Variants in SDK2 observed in about 807,000 individuals in gnomAD.
SDK2 encodes the protein sidekick cell adhesion molecule 2.
Under a neutral mutation model 253.9 loss-of-function variants are expected in SDK2, and 105 were observed. That is an observed-to-expected ratio of 0.41 (90% CI 0.35 to 0.49). SDK2 has a LOEUF of 0.49. Ranked by LOEUF, SDK2 falls within the 20% of genes least tolerant of loss-of-function variation. The pLI, the probability that SDK2 is intolerant of heterozygous loss-of-function variation, is 0.06. For synonymous variants in SDK2, 1,249 were observed against 1,234.9 expected, an observed-to-expected ratio of 1.01 and a Z score of -0.24; for missense variants, 2,608 against 3,003.0, an observed-to-expected ratio of 0.87 and a Z score of 3.07.
rs545354979 is a variant in SDK2 at position 73,557,087 on chromosome 17, T to C, written c.65-49490A>G. On this transcript the variant is annotated intron_variant, in intron 1 of 44. Coordinates refer to ENST00000392650, the MANE Select transcript of SDK2 (RefSeq NM_001144952.2). Reference sequence around the variant, plus strand: ...TGAATTCTCCAGAATATTCTGGCTGTATAAAACCGAGCAAATCAATTTCTC... The same window carrying C: ...TGAATTCTCCAGAATATTCTGGCTGCATAAAACCGAGCAAATCAATTTCTC... 1.1e-4 allele frequency among the ~76,000 whole-genome samples: 16 copies of C among 152,372 alleles called. No individual in the cohort carries two copies. The South Asian group carries it at 2.3e-3, about 22-fold the overall frequency.
At chr17:73,542,373 G>T (rs548815840) in intron 1 of SDK2, among the ~76,000 whole-genome samples, 1 of 152,370 alleles carries the variant, frequency 6.6e-6, no homozygotes, top group Admixed American at 6.5e-5. Context: ...CCTCCCATCT[G>T]TACGTGCCTG....
At chr17:73,369,514 G>A (rs1257612654) in intron 36 of SDK2, among the ~76,000 whole-genome samples, 1 of 152,256 alleles carries the variant, frequency 6.6e-6, no homozygotes, top group African/African-American at 2.4e-5. Flanking sequence ...CATTCAGTGA[G>A]GTTAAGGACA....
At chr17:73,432,836 A>G (rs1285300836) in intron 10 of SDK2, among the ~76,000 whole-genome samples, 3 of 149,132 alleles carry the variant, frequency 2.0e-5, no homozygotes, top group Non-Finnish European at 3.0e-5. Context: ...GTGTGCATGT[A>G]TGTGTGTGCA....
chr17:73,380,931 G>A lies in SDK2; in HGVS notation c.4725C>T (p.Asn1575=), dbSNP rs1307537837. The stretch of plus-strand genomic sequence containing the variant: ...ACTGCGTGAGGCTGGGCCGGCTCAG[G>A]TTCCGCATGGAGTACATGGCTATGG... ...AELTSMYSMR[N]LSRPSLTQYE... The change falls in exon 34 of 45, where the codon AAC becomes AAT. Residue 1575 remains asparagine, a synonymous_variant. Coordinates refer to ENST00000392650, the MANE Select transcript of SDK2 (RefSeq NM_001144952.2). 7.0e-7 allele frequency: 1 copy of A among 1,431,128 alleles called. No homozygotes were observed. The highest frequency in any genetic ancestry group is 9.4e-7 in the Non-Finnish European group (1 of 1,063,814). The allele number at this position is 1,431,128 out of a possible 1,614,324, so 88.7% of individuals were successfully genotyped here.
In SDK2 at chr17:73,481,148, C is replaced by A. The variant is rs182732556; in HGVS notation, c.225-8930G>T. Among the ~76,000 whole-genome samples the A allele has an allele frequency of 7.2e-5, 11 of 152,266 alleles. No individual in the cohort carries two copies. Among genetic ancestry groups the A allele is most frequent in the Admixed American group, 5.2e-4 (8 of 15,284 alleles). ...GCACTGGGGAGGGGACAGGCAAGCC[C>A]AGGCGAGCTGAGCACGGGGTTCCAG... On this transcript the variant is annotated intron_variant, in intron 2 of 44. Transcript: ENST00000392650. The surrounding 1 kb of genome is among the most constrained non-coding windows in gnomAD (Gnocchi z 4.5).
rs1013721614 is a variant in SDK2, at chr17:73,539,055, G to C, written c.65-31458C>G. The stretch of plus-strand genomic sequence containing the variant: ...AAGAGGAAGGGGGCAGGTGACCTCA[G>C]GAGAAGGCTGGAGAAAGGACAGGTG... On this transcript the variant is annotated intron_variant, in intron 1 of 44. Coordinates refer to ENST00000392650, the MANE Select transcript of SDK2 (RefSeq NM_001144952.2). Among the ~76,000 whole-genome samples, 8 of 152,304 alleles carry C rather than the reference G, an allele frequency of 5.3e-5. No homozygotes were observed. In the South Asian group the frequency reaches 8.3e-4, roughly 16 times the overall value.
intron 2 of SDK2, among the ~76,000 whole-genome samples, chr17:73,483,661 G>GTGTGTGTGTGTA (rs1388091890): frequency 2.8e-5 from 2 of 70,192 alleles, no homozygotes; most frequent in African/African-American, 6.2e-5. Context: ...GTGTGTGTGT[G>GTGTGTGTGTGTA]TATATATATA....
intron 2 of SDK2, among the ~76,000 whole-genome samples, chr17:73,506,096 C>G (rs1435554582): frequency 6.6e-6 from 1 of 152,266 alleles, no homozygotes; most frequent in South Asian, 2.1e-4. Flanking sequence ...GCACTACTTG[C>G]ACGTGTGGTA....
intron 1 of SDK2, among the ~76,000 whole-genome samples, chr17:73,630,216 G>A (rs1420085951): frequency 6.6e-6 from 1 of 152,120 alleles, no homozygotes; most frequent in Non-Finnish European, 1.5e-5. Flanking sequence ...CAGCAGCAGT[G>A]GCAGCGACAC....
intron 1 of SDK2, among the ~76,000 whole-genome samples, chr17:73,514,186 G>C (rs1271148362): frequency 6.6e-6 from 1 of 152,188 alleles, no homozygotes; most frequent in East Asian, 1.9e-4. Context: ...ATTTAGGCAT[G>C]TCACGTGGCT....
intron 1 of SDK2, among the ~76,000 whole-genome samples, chr17:73,587,464 A>G (rs1200892457): frequency 6.6e-6 from 1 of 152,196 alleles, no homozygotes; most frequent in African/African-American, 2.4e-5. Flanking sequence ...CACCCTACTT[A>G]GCAGCTGACA....
intron 26 of SDK2, 41 bp downstream of exon 26, chr17:73,394,168 G>A: frequency 7.8e-7 from 1 of 1,279,768 alleles, no homozygotes; most frequent in South Asian, 1.6e-5. Flanking sequence ...GGCTGGAGGG[G>A]CCAGTGTAGG....
At chr17:73,444,129 C>T (rs553535295) in intron 5 of SDK2, among the ~76,000 whole-genome samples, 14 of 152,308 alleles carry the variant, frequency 9.2e-5, no homozygotes, top group African/African-American at 3.1e-4. Flanking sequence ...GATTTGCCTG[C>T]CTGTGCAGGG....
At chr17:73,425,312 G>GA (rs1247889684) in intron 12 of SDK2, among the ~76,000 whole-genome samples, 1 of 152,122 alleles carries the variant, frequency 6.6e-6, no homozygotes, top group Non-Finnish European at 1.5e-5. Context: ...GAAAGGAAAA[G>GA]AAAAAGAAAA....
At chr17:73,630,181 C>T (rs534029444) in intron 1 of SDK2, among the ~76,000 whole-genome samples, 2 of 152,210 alleles carry the variant, frequency 1.3e-5, no homozygotes, top group Admixed American at 1.3e-4. Context: ...TTATGCCAGG[C>T]CTTCTCAAAG....
rs2045949184 is a variant in SDK2 at position 73,609,590 on chromosome 17, C to T, written c.64+34435G>A. Among the ~76,000 whole-genome samples the T allele has an allele frequency of 1.3e-5, 2 of 152,138 alleles. No homozygotes were observed. The highest frequency in any genetic ancestry group is 2.1e-4 in the South Asian group (1 of 4,828). On this transcript the variant is annotated intron_variant, in intron 1 of 44. Coordinates refer to ENST00000392650, the MANE Select transcript of SDK2 (RefSeq NM_001144952.2). The surrounding 1 kb of genome is among the most constrained non-coding windows in gnomAD (Gnocchi z 4.4). ...ATGCAGTGGAAGCTGACAGGGAAAA[C>T]GGCTCAAGAGAAGGTTTGTTTTTTC... is the stretch of plus-strand genomic sequence containing the variant.
At chr17:73,551,782 G>A (rs2045063508) in intron 1 of SDK2, among the ~76,000 whole-genome samples, 1 of 152,114 alleles carries the variant, frequency 6.6e-6, no homozygotes, top group South Asian at 2.1e-4. Flanking sequence ...GTCCCCCTAA[G>A]GGCAGGGGGA....
chr17:73,592,026 G>T (rs1034518566), intron 1 of SDK2, among the ~76,000 whole-genome samples: 2 of 152,214 alleles, frequency 1.3e-5, no homozygotes, highest in Admixed American at 6.5e-5. Flanking sequence ...ACCCACATGA[G>T]GGGGGAGTTG....
At chr17:73,494,620 TG>T (rs1315665371) in intron 2 of SDK2, among the ~76,000 whole-genome samples, 6 of 152,244 alleles carry the variant, frequency 3.9e-5, no homozygotes, top group African/African-American at 1.4e-4. Context: ...ACATAATTTT[TG>T]CGAGGTTGTC....
Sources: allele counts gnomAD v4.1 joint callset (sites outside exome capture counted in the v4.1 genomes callset), GRCh38; gene constraint gnomAD v4.1.1; non-coding constraint Gnocchi (gnomAD v3.1); transcripts MANE v1.5; gene names NCBI Gene and HGNC (gene_info 2026-07-23, HGNC 2026-07-21).